The following DYNC2I2 variants were observed in gnomAD, a reference collection of about 807,000 sequenced individuals.
The protein encoded by DYNC2I2 is dynein 2 intermediate chain 2, also known as cytoplasmic dynein 2 intermediate chain 2.
DYNC2I2 carries 39 observed loss-of-function variants against 52.0 expected under a neutral mutation model. That is an observed-to-expected ratio of 0.75 (90% CI 0.58 to 0.98). DYNC2I2 has a LOEUF of 0.98. DYNC2I2 is among the 50% of genes least tolerant of loss of function. The probability of loss-of-function intolerance (pLI) is 0.00; values close to 1 mark genes in which losing one functional copy is unlikely to be tolerated. For synonymous variants in DYNC2I2, 359 were observed against 321.1 expected (o/e 1.12, Z -1.26); for missense variants, 743 against 728.4 (o/e 1.02, Z -0.23).
chr9:128,636,230 C>T lies in DYNC2I2; in HGVS notation c.703+51G>A, dbSNP rs1234429182. The T allele has an allele frequency of 9.7e-6, 15 of 1,551,142 alleles. No individual in the cohort carries two copies. The Admixed American group carries it at 9.8e-5, about 10-fold the overall frequency. Reference sequence around the variant, plus strand: ...AAGCTCCCTTGTGCCCTCTGCAGGGCGGGAAGCTGAGTCCTGAGAGGAGAG... The same window carrying T: ...AAGCTCCCTTGTGCCCTCTGCAGGGTGGGAAGCTGAGTCCTGAGAGGAGAG... On this transcript the variant is annotated intron_variant, in intron 4 of 8. Transcript: ENST00000372715.
At chr9:128,668,191 C>A in the DYNC2I2 span, among the ~76,000 whole-genome samples, 3 of 151,788 alleles carry the variant, frequency 2.0e-5, no homozygotes, top group Non-Finnish European at 4.4e-5. Context: ...GATCTCCTGA[C>A]CTTGTGATCC....
At chr9:128,657,057 C>T (rs952154040), upstream of DYNC2I2, among the ~76,000 whole-genome samples, 3 of 152,212 alleles carry the variant, frequency 2.0e-5, no homozygotes, top group Non-Finnish European at 2.9e-5. Context: ...GGGCGGCAGC[C>T]TGCGGCCGTG....
At chr9:128,662,514 A>G in the DYNC2I2 span, among the ~76,000 whole-genome samples, 1 of 151,394 alleles carries the variant, frequency 6.6e-6, no homozygotes, top group South Asian at 2.1e-4. Context: ...GGTTCAAGCA[A>G]TTCTCCCTGC....
At chr9:128,646,262 C>CTGGA (rs1240632774) in intron 1 of DYNC2I2, among the ~76,000 whole-genome samples, 1 of 152,222 alleles carries the variant, frequency 6.6e-6, no homozygotes, top group Non-Finnish European at 1.5e-5. Context: ...GTCACCCAGG[C>CTGGA]TGGAGTGCAG....
the DYNC2I2 span, among the ~76,000 whole-genome samples, chr9:128,666,683 C>A: frequency 2.0e-5 from 3 of 150,962 alleles, no homozygotes; most frequent in African/African-American, 7.3e-5. Context: ...CCCTTGAACC[C>A]AGGAGGCAGA....
chr9:128,654,908 C>G (rs980033764), intron 1 of DYNC2I2, among the ~76,000 whole-genome samples: 4 of 152,164 alleles, frequency 2.6e-5, no homozygotes, highest in Non-Finnish European at 5.9e-5. Flanking sequence ...GCACTATTCA[C>G]CTTCTAACAC....
At chr9:128,680,253 G>A in the DYNC2I2 span, among the ~76,000 whole-genome samples, 1 of 151,926 alleles carries the variant, frequency 6.6e-6, no homozygotes, top group Middle Eastern at 3.4e-3. Context: ...TAGAGACGGG[G>A]TTTTGCCATG....
intron 1 of DYNC2I2, among the ~76,000 whole-genome samples, chr9:128,649,014 C>T (rs1230634324): frequency 2.0e-5 from 3 of 152,170 alleles, no homozygotes; most frequent in Admixed American, 1.3e-4. Context: ...AGACTCACCC[C>T]TGCCCTCAAG....
chr9:128,634,989 G>C lies in DYNC2I2; in HGVS notation c.982-68C>G. ...AGATGGCACTGTCCCAACAGAGCCA[G>C]AGAACAGGAGGGGAGATCACAGCAA... is the stretch of plus-strand genomic sequence containing the variant. On this transcript the variant is annotated intron_variant, in intron 6 of 8. Coordinates refer to ENST00000372715, the MANE Select transcript of DYNC2I2 (RefSeq NM_052844.4). 2.5e-6 allele frequency: 4 copies of C among 1,590,840 alleles called. No homozygotes were observed. In the East Asian group the frequency reaches 9.0e-5, roughly 36 times the overall value.
chr9:128,672,744 T>G, the DYNC2I2 span, among the ~76,000 whole-genome samples: 4 of 152,122 alleles, frequency 2.6e-5, no homozygotes, highest in Non-Finnish European at 5.9e-5. Context: ...ACCCTTTTTA[T>G]TGGCCGGGCG....
chr9:128,661,330 G>C (rs965574187), upstream of DYNC2I2, among the ~76,000 whole-genome samples: 11 of 133,760 alleles, frequency 8.2e-5, no homozygotes, highest in Non-Finnish European at 1.8e-4. Flanking sequence ...AAAACAAAAA[G>C]AAAAACCAGC....
At chr9:128,658,967 G>C (rs1421762570), upstream of DYNC2I2, among the ~76,000 whole-genome samples, 1 of 151,688 alleles carries the variant, frequency 6.6e-6, no homozygotes, top group Non-Finnish European at 1.5e-5. Flanking sequence ...CTGGGTTCAA[G>C]TGAACTGCTC....
In DYNC2I2 at chr9:128,636,412, A is replaced by T; in HGVS notation, c.572T>A (p.Leu191His). 1.9e-6 allele frequency: 3 copies of T among 1,608,602 alleles called. No homozygotes were observed. The highest frequency in any genetic ancestry group is 2.5e-6 in the Non-Finnish European group (3 of 1,178,786). Residue 191 changes from leucine (L) to histidine (H), a missense_variant, in exon 4 of 9, where the codon CTT (leucine) becomes CAT (histidine). By Grantham distance (99) the Leu-to-His change is moderately conservative (BLOSUM62 -3). Transcript: ENST00000372715. The stretch of plus-strand genomic sequence containing the variant: ...GTTCCAGGCACACACGAAGGACTTA[A>T]GCGTGCTCCAGTCCCCATGGTCCAG... ...GRLDHGDWST[L>H]KSFVCAWNLD... is the part of the protein sequence containing the mutation.
the DYNC2I2 span, among the ~76,000 whole-genome samples, chr9:128,673,933 C>A: frequency 1.3e-5 from 2 of 151,386 alleles, no homozygotes; most frequent in Admixed American, 6.6e-5. Context: ...CTCACCCTCC[C>A]GAGTAACTGG....
In DYNC2I2 at chr9:128,633,953, T is replaced by C; in HGVS notation, c.1402A>G (p.Ser468Gly). 6.2e-7 allele frequency: 1 copy of C among 1,612,994 alleles called. No homozygotes were observed. Among genetic ancestry groups the C allele is most frequent in the Non-Finnish European group, 8.5e-7 (1 of 1,180,020 alleles). Residue 468 changes from serine to glycine, a missense_variant, in exon 9 of 9, where the codon AGC (serine) becomes GGC (glycine). By Grantham distance (56) the Ser-to-Gly change is moderately conservative. Transcript: ENST00000372715. ...GDVQLFDLQK[S>G]SQKPTVLIKQ... ...ATCAAAACTGTGGGTTTCTGGGAGC[T>C]TTTCTGGAGATCAAACAGCTGCACG...
chr9:128,668,430 C>T, the DYNC2I2 span, among the ~76,000 whole-genome samples: 14 of 152,128 alleles, frequency 9.2e-5, no homozygotes, highest in East Asian at 1.8e-3. Flanking sequence ...CCTTGTGATC[C>T]GCCCGCCTTG....
chr9:128,665,102 G>C, the DYNC2I2 span, among the ~76,000 whole-genome samples: 2 of 148,986 alleles, frequency 1.3e-5, no homozygotes, highest in African/African-American at 2.5e-5. Context: ...ACCCAGTCTG[G>C]AGTACATTGG....
chr9:128,673,637 C>G, the DYNC2I2 span, among the ~76,000 whole-genome samples: 1 of 151,614 alleles, frequency 6.6e-6, no homozygotes, highest in Non-Finnish European at 1.5e-5. Flanking sequence ...TCCCGAGTAG[C>G]TGGAACTACA....
chr9:128,654,469 C>T (rs1436098032), intron 1 of DYNC2I2, among the ~76,000 whole-genome samples: 1 of 152,156 alleles, frequency 6.6e-6, no homozygotes. Flanking sequence ...TCTGACCTCA[C>T]CTGGGACCAC....
Sources: gnomAD v4.1 joint callset for allele counts (sites outside exome capture counted in the v4.1 genomes callset) on GRCh38, gnomAD v4.1.1 for gene constraint, MANE v1.5 for transcripts, NCBI Gene and HGNC (gene_info 2026-07-23, HGNC 2026-07-21) for gene names.